Variants in DAB1 observed in about 807,000 individuals in gnomAD.
The protein encoded by DAB1 is DAB adaptor protein 1, also known as disabled homolog 1.
A neutral mutation model predicts 64.6 loss-of-function variants in DAB1; 15 were observed. That is an observed-to-expected ratio of 0.23 (90% CI 0.16 to 0.36). DAB1 has a LOEUF of 0.36. Among genes scored for constraint, DAB1 ranks in the 10% least tolerant of loss-of-function variants. The pLI, the probability that DAB1 is intolerant of heterozygous loss-of-function variation, is 1.00. For synonymous variants in DAB1, 235 were observed against 251.9 expected (o/e 0.93, Z 0.64); for missense variants, 596 against 706.7 (o/e 0.84, Z 1.78).
chr1:58,006,505 A>G (rs948972421), intron 5 of DAB1, among the ~76,000 whole-genome samples: 2 of 152,210 alleles, frequency 1.3e-5, no homozygotes, highest in Non-Finnish European at 1.5e-5. Flanking sequence ...ACTGTAGCAT[A>G]GGTCCAGAGA....
intron 2 of DAB1, among the ~76,000 whole-genome samples, chr1:58,515,956 A>G (rs895880412): frequency 2.0e-5 from 3 of 152,212 alleles, no homozygotes; most frequent in Non-Finnish European, 4.4e-5. Context: ...TTCTGTGATG[A>G]AAAATAGATT....
chr1:57,585,594 T>C (rs1645369480), intron 7 of DAB1, among the ~76,000 whole-genome samples: 1 of 152,168 alleles, frequency 6.6e-6, no homozygotes, highest in Non-Finnish European at 1.5e-5. Flanking sequence ...GTCTTGGACC[T>C]TGAATGCATC....
intron 7 of DAB1, among the ~76,000 whole-genome samples, chr1:57,645,847 A>C (rs1646185999): frequency 6.6e-6 from 1 of 152,202 alleles, no homozygotes. Flanking sequence ...AGGGGAAATT[A>C]CCACCTGGTT....
At chr1:57,365,344 AATATATATTTATATATT>A (rs1266712013) in intron 1 of DAB1, among the ~76,000 whole-genome samples, 1 of 143,054 alleles carries the variant, frequency 7.0e-6, no homozygotes, top group African/African-American at 2.5e-5. Flanking sequence ...AATATATATA[AATATATATTTATATATT>A]ATATATAATA....
intron 3 of DAB1, among the ~76,000 whole-genome samples, chr1:58,463,016 GAA>G (rs2100315672): frequency 6.6e-6 from 1 of 152,278 alleles, no homozygotes; most frequent in East Asian, 1.9e-4. Context: ...ATGAAATGGT[GAA>G]AAAGTGCTTC....
intron 7 of DAB1, among the ~76,000 whole-genome samples, chr1:57,582,379 C>G (rs1053543909): frequency 1.3e-5 from 2 of 152,162 alleles, no homozygotes; most frequent in African/African-American, 4.8e-5. Flanking sequence ...ATCATGAGAA[C>G]AGCAAGGGAG....
At chr1:57,238,485 C>G (rs1328566656) in intron 2 of DAB1, among the ~76,000 whole-genome samples, 1 of 152,204 alleles carries the variant, frequency 6.6e-6, no homozygotes, top group Non-Finnish European at 1.5e-5. Flanking sequence ...GATTCGCTCT[C>G]TTGCTCACTT....
Position 57,002,430 on chromosome 1 carries a change from T to C in DAB1, c.*16-4302A>G, listed in dbSNP as rs1645903253. On this transcript the variant is annotated intron_variant, in intron 14 of 14. Coordinates refer to ENST00000371236, the MANE Select transcript of DAB1 (RefSeq NM_001365792.1). ...TCACAAGATTTGGGCTTAAGGTAAG[T>C]AATTTTGGGGATGGTCAACAAAGTG... is the stretch of plus-strand genomic sequence containing the variant. 2.6e-5 allele frequency among the ~76,000 whole-genome samples: 4 copies of C among 152,172 alleles called. No individual in the cohort carries two copies. The South Asian group carries it at 8.3e-4, about 32-fold the overall frequency.
chr1:57,024,095 G>T (rs1234725370), intron 10 of DAB1, among the ~76,000 whole-genome samples: 1 of 152,028 alleles, frequency 6.6e-6, no homozygotes, highest in South Asian at 2.1e-4. Flanking sequence ...TTTAATACAC[G>T]GTCAATGAGC....
intron 4 of DAB1, among the ~76,000 whole-genome samples, chr1:57,133,894 C>T (rs891269119): frequency 2.6e-5 from 4 of 152,130 alleles, no homozygotes; most frequent in African/African-American, 9.7e-5. Context: ...TTGAGTCAGT[C>T]CCCTGCTGGG....
At position 58,405,288 on chromosome 1, in the gene DAB1, G is replaced by A. The variant is rs79807857; in HGVS notation, n.258-61885C>T. On this transcript the variant is annotated intron_variant and non_coding_transcript_variant, in intron 3 of 20. Transcript: ENST00000485760. ...GACGCCTTCCCTGACCACCCTATTG[G>A]AAGCAGAGTCCTCCCAGTTATTCTT... Among the ~76,000 whole-genome samples, 1,289 of 152,274 alleles carry A rather than the reference G, an allele frequency of 8.5e-3. 23 individuals carry two copies. The highest frequency in any genetic ancestry group is 0.03 in the African/African-American group (1,241 of 41,538).
At chr1:57,425,531 A>C (rs1685251500), upstream of DAB1, among the ~76,000 whole-genome samples, 1 of 152,336 alleles carries the variant, frequency 6.6e-6, no homozygotes, top group East Asian at 1.9e-4. Context: ...CTTTCTCCAC[A>C]AAATTCACGA....
intron 3 of DAB1, among the ~76,000 whole-genome samples, chr1:58,397,087 G>T (rs1333572085): frequency 6.6e-6 from 1 of 151,250 alleles, no homozygotes; most frequent in Non-Finnish European, 1.5e-5. Flanking sequence ...AGAAAGAAAA[G>T]AAAAAGAAAC....
chr1:57,801,744 ACTTC>A (rs1218814718), intron 6 of DAB1, among the ~76,000 whole-genome samples: 1 of 151,856 alleles, frequency 6.6e-6, no homozygotes, highest in Non-Finnish European at 1.5e-5. Context: ...TGCAGCCTCG[ACTTC>A]CTGGGTTCAG....
At chr1:58,040,018 G>A (rs921737448) in intron 5 of DAB1, among the ~76,000 whole-genome samples, 4 of 152,080 alleles carry the variant, frequency 2.6e-5, no homozygotes, top group South Asian at 2.1e-4. Context: ...TTCCACACAC[G>A]TAGAATAAGG....
intron 3 of DAB1, among the ~76,000 whole-genome samples, chr1:58,449,292 G>T (rs1178337535): frequency 2.0e-5 from 3 of 152,194 alleles, no homozygotes; most frequent in African/African-American, 7.2e-5. Flanking sequence ...TGAACACGGG[G>T]TGGGAGCCAG....
intron 2 of DAB1, among the ~76,000 whole-genome samples, chr1:57,215,103 A>G (rs1181628116): frequency 6.6e-6 from 1 of 152,100 alleles, no homozygotes; most frequent in Admixed American, 6.5e-5. Flanking sequence ...AAGCTCTTTC[A>G]TGACTCAAAT....
chr1:57,643,315 T>C (rs1270587941), intron 7 of DAB1, among the ~76,000 whole-genome samples: 1 of 152,180 alleles, frequency 6.6e-6, no homozygotes. Context: ...TGGATAGTTA[T>C]ATGATTCATT....
chr1:58,539,450 C>T (rs1646569422), intron 1 of DAB1: 1 of 589,802 alleles, frequency 1.7e-6, no homozygotes, highest in Non-Finnish European at 3.0e-6. Context: ...AACTCATCAC[C>T]CCTAGAGCAA....
Sources: gnomAD v4.1 joint callset for allele counts (sites outside exome capture counted in the v4.1 genomes callset) on GRCh38, gnomAD v4.1.1 for gene constraint, MANE v1.5 for transcripts, NCBI Gene and HGNC (gene_info 2026-07-23, HGNC 2026-07-21) for gene names.